The following FAM135B variants were observed in gnomAD, a reference collection of about 807,000 sequenced individuals.
The protein encoded by FAM135B is family with sequence similarity 135 member B, also known as protein FAM135B.
A neutral mutation model predicts 127.7 loss-of-function variants in FAM135B; 43 were observed. The ratio of observed to expected loss-of-function variants is 0.34; its 90% CI spans 0.26 to 0.43. FAM135B has a LOEUF of 0.43. Among genes scored for constraint, FAM135B ranks in the 20% least tolerant of loss-of-function variants. The pLI, the probability that FAM135B is intolerant of heterozygous loss-of-function variation, is 1.00. For missense variants in FAM135B, 1,558 were observed against 1,725.6 expected, an observed-to-expected ratio of 0.90 and a Z score of 1.72; for synonymous variants, 670 against 665.1, an observed-to-expected ratio of 1.01 and a Z score of -0.11.
chr8:138,152,952 T>C lies in FAM135B; in HGVS notation c.1523A>G (p.Gln508Arg), dbSNP rs2130786799. The stretch of plus-strand genomic sequence containing the variant: ...ATCTTCAGGCACACCTGCTTTGTTT[T>C]GAAATTCACCAATTGATATATACAC... Reference protein sequence around the residue: ...SQVYISIGEFQNKAGVPEDEC... With the variant: ...SQVYISIGEFRNKAGVPEDEC... Residue 508 changes from glutamine to arginine, a missense_variant, in exon 13 of 20, where the codon CAA becomes CGA. Transcript: ENST00000395297. 6.2e-7 allele frequency: 1 copy of C among 1,614,222 alleles called. No individual in the cohort carries two copies. Among genetic ancestry groups the C allele is most frequent in the Non-Finnish European group, 8.5e-7 (1 of 1,180,036 alleles).
At chr8:138,189,368 A>G (rs1438639734) in intron 9 of FAM135B, among the ~76,000 whole-genome samples, 1 of 151,890 alleles carries the variant, frequency 6.6e-6, no homozygotes, top group Non-Finnish European at 1.5e-5. Flanking sequence ...TCCTTCAATC[A>G]CTTCAACCTC....
In FAM135B at chr8:138,152,242, C is replaced by A. The variant is rs755759043; in HGVS notation, c.2233G>T (p.Ala745Ser). ...SNTSLPSGIQ[A>S]SLTSISSLPF... is the part of the protein sequence containing the mutation. ...AAAGAGCTAATGGAGGTGAGAGAAG[C>A]CTGGATGCCGCTTGGCAAACTTGTG... The change falls in exon 13 of 20, where the codon GCT (alanine) becomes TCT (serine). Residue 745 changes from alanine to serine, a missense_variant. This residue lies in a region of FAM135B where 923 missense variants were observed against 865.3 expected (regional missense o/e 1.07). Coordinates refer to ENST00000395297, the MANE Select transcript of FAM135B (RefSeq NM_015912.4). 1.2e-6 allele frequency: 2 copies of A among 1,614,118 alleles called. No individual in the cohort carries two copies. The highest frequency in any genetic ancestry group is 1.7e-6 in the Non-Finnish European group (2 of 1,180,032).
chr8:138,399,690 A>G (rs2131359230), intron 1 of FAM135B, among the ~76,000 whole-genome samples: 1 of 152,310 alleles, frequency 6.6e-6, no homozygotes, highest in Admixed American at 6.5e-5. Context: ...TGCTAAGCAC[A>G]CAGAGTCTCC....
chr8:138,427,763 G>A (rs1482541705), intron 1 of FAM135B, among the ~76,000 whole-genome samples: 2 of 152,080 alleles, frequency 1.3e-5, no homozygotes, highest in Non-Finnish European at 2.9e-5. Flanking sequence ...TATTGCTGTT[G>A]AAATCGATGT....
intron 9 of FAM135B, among the ~76,000 whole-genome samples, chr8:138,179,887 C>G (rs570211708): frequency 6.6e-6 from 1 of 152,182 alleles, no homozygotes. Flanking sequence ...CACTGTGTTG[C>G]CCAGGCTGGT....
rs140627189 is a variant in FAM135B at position 138,297,635 on chromosome 8, C to T, written c.157+13206G>A. On this transcript the variant is annotated intron_variant, in intron 3 of 19. Coordinates refer to ENST00000395297, the MANE Select transcript of FAM135B (RefSeq NM_015912.4). ...TAAAAGTCTAATCTTGTCACTGCTG[C>T]ATCAGTGTGAACGTCCAATGAGAGC... is the stretch of plus-strand genomic sequence containing the variant. Among the ~76,000 whole-genome samples, 934 of 152,280 alleles carry T rather than the reference C, an allele frequency of 6.1e-3. 10 individuals carry two copies. Among genetic ancestry groups the T allele is most frequent in the African/African-American group, 0.021 (882 of 41,558 alleles).
At chr8:138,273,168 A>C (rs1015201709) in intron 3 of FAM135B, among the ~76,000 whole-genome samples, 1 of 152,210 alleles carries the variant, frequency 6.6e-6, no homozygotes, top group African/African-American at 2.4e-5. Context: ...TATTAGTAGA[A>C]GTCTCAGTGG....
At chr8:138,370,807 C>T (rs1831065108) in intron 1 of FAM135B, among the ~76,000 whole-genome samples, 1 of 152,184 alleles carries the variant, frequency 6.6e-6, no homozygotes, top group Admixed American at 6.5e-5. Context: ...CCTTGGTCCA[C>T]TTTGTGGTCA....
intron 7 of FAM135B, among the ~76,000 whole-genome samples, chr8:138,228,469 G>A (rs1819650684): frequency 1.3e-5 from 2 of 152,114 alleles, no homozygotes; most frequent in Non-Finnish European, 2.9e-5. Context: ...GAGCTGCTAA[G>A]AAGTGCAAAT....
intron 1 of FAM135B, among the ~76,000 whole-genome samples, chr8:138,384,868 T>C (rs1475504726): frequency 6.6e-6 from 1 of 151,956 alleles, no homozygotes; most frequent in Non-Finnish European, 1.5e-5. Flanking sequence ...CCCTCCACAA[T>C]CCCTTCTTCA....
chr8:138,227,714 CTT>C (rs761660500), intron 7 of FAM135B, among the ~76,000 whole-genome samples: 11,350 of 81,626 alleles, frequency 0.14, 472 homozygotes, highest in East Asian at 0.26. Context: ...TTTTGTCTCT[CTT>C]TTTTTTTTTT....
At chr8:138,465,165 G>A (rs1011472934) in intron 1 of FAM135B, among the ~76,000 whole-genome samples, 6 of 152,174 alleles carry the variant, frequency 3.9e-5, no homozygotes, top group African/African-American at 1.4e-4. Flanking sequence ...CCTGATTTAG[G>A]TAGTTCCAAA....
At chr8:138,317,925 G>A (rs1190676114) in intron 2 of FAM135B, among the ~76,000 whole-genome samples, 1 of 152,216 alleles carries the variant, frequency 6.6e-6, no homozygotes, top group East Asian at 1.9e-4. Context: ...CTTAGCAGTG[G>A]CTTATTACGA....
chr8:138,417,920 C>T (rs1285847834), intron 1 of FAM135B, among the ~76,000 whole-genome samples: 1 of 152,158 alleles, frequency 6.6e-6, no homozygotes, highest in African/African-American at 2.4e-5. Context: ...AGTGCCCTAA[C>T]TTCCCAGCAA....
intron 7 of FAM135B, 86 bp from the exon 8 acceptor site, chr8:138,197,755 C>A (rs2131143192): frequency 7.0e-7 from 1 of 1,418,876 alleles, no homozygotes; most frequent in Non-Finnish European, 9.7e-7. Context: ...CCACCCGCAC[C>A]AACATTCACA....
chr8:138,158,459 A>C (rs1249410988), intron 12 of FAM135B, among the ~76,000 whole-genome samples: 3 of 152,246 alleles, frequency 2.0e-5, no homozygotes, highest in Non-Finnish European at 4.4e-5. Context: ...ATTAAACTAA[A>C]GAGCTTCTGC....
chr8:138,133,053 A>G (rs1226952316), intron 19 of FAM135B, among the ~76,000 whole-genome samples: 3 of 152,246 alleles, frequency 2.0e-5, no homozygotes, highest in Non-Finnish European at 4.4e-5. Context: ...GGAAGTTATG[A>G]TAGCAGTGTT....
chr8:138,146,461 G>A (rs1817663960), intron 14 of FAM135B, among the ~76,000 whole-genome samples: 1 of 152,150 alleles, frequency 6.6e-6, no homozygotes, highest in African/African-American at 2.4e-5. Context: ...TTAAAAGGAA[G>A]ACTATCTAGT....
chr8:138,399,559 C>A (rs1351086926), intron 1 of FAM135B, among the ~76,000 whole-genome samples: 1 of 152,170 alleles, frequency 6.6e-6, no homozygotes, highest in Non-Finnish European at 1.5e-5. Flanking sequence ...GTCAACAGAC[C>A]AAGCCTTCTT....
Sources: allele counts gnomAD v4.1 joint callset (sites outside exome capture counted in the v4.1 genomes callset), GRCh38; gene constraint gnomAD v4.1.1; regional missense constraint gnomAD v4.1.1; transcripts MANE v1.5; gene names NCBI Gene and HGNC (gene_info 2026-07-23, HGNC 2026-07-21).